The following GSN variants were observed in gnomAD, a reference collection of about 807,000 sequenced individuals.
The protein encoded by GSN is actin-depolymerizing factor.
A neutral mutation model predicts 85.7 loss-of-function variants in GSN; 56 were observed. That is an observed-to-expected ratio of 0.65 (90% CI 0.53 to 0.82). The LOEUF (loss-of-function observed/expected upper bound fraction) is 0.82. Among genes scored for constraint, GSN ranks in the 40% least tolerant of loss-of-function variants. GSN has a pLI of 0.00. For synonymous variants in GSN, 373 were observed against 399.1 expected, an observed-to-expected ratio of 0.93 and a Z score of 0.78; for missense variants, 857 against 979.8, an observed-to-expected ratio of 0.87 and a Z score of 1.67.
chr9:121,236,842 A>C (rs2054504664), intron 5 of GSN, among the ~76,000 whole-genome samples: 1 of 152,248 alleles, frequency 6.6e-6, no homozygotes, highest in African/African-American at 2.4e-5. Flanking sequence ...GAACCAAATC[A>C]GGGATTTTCC....
chr9:121,329,448 AC>A lies in GSN; in HGVS notation c.1965+134del. 1 of 700,028 alleles carries A rather than the reference AC, an allele frequency of 1.4e-6. No individual in the cohort carries two copies. The allele number at this position is 700,028 out of a possible 1,614,324, so 43.4% of individuals were successfully genotyped here. ...TGTTGCCAGAAAAGTCTCTAAGGGT[AC>A]TGGAAGTCACTTCTTCTTTCTGAGC... On this transcript the variant is annotated intron_variant, in intron 16 of 17. Coordinates refer to ENST00000432226, the MANE Select transcript of GSN (RefSeq NM_198252.3). The surrounding 1 kb of genome is among the most constrained non-coding windows in gnomAD (Gnocchi z 4.6).
At chr9:121,216,922 GTCT>G (rs1428870929) in intron 4 of GSN, among the ~76,000 whole-genome samples, 1 of 152,212 alleles carries the variant, frequency 6.6e-6, no homozygotes, top group East Asian at 1.9e-4. Context: ...GTGGATGACT[GTCT>G]TCTTCCTGTG....
In GSN at chr9:121,310,974, G is replaced by T. The variant is rs41273432; in HGVS notation, c.513+129G>T. The T allele has an allele frequency of 5.6e-4, 441 of 792,612 alleles. 1 individual carries two copies. The highest frequency in any genetic ancestry group is 8.1e-4 in the Non-Finnish European group (378 of 466,788). 49.1% of individuals were successfully genotyped at this position (792,612 alleles called of 1,614,324 possible). On this transcript the variant is annotated intron_variant, in intron 5 of 17. Coordinates refer to ENST00000432226, the MANE Select transcript of GSN (RefSeq NM_198252.3). ...AACCACAGGGACCAGCATTGTTCAC[G>T]TACAGATATGTCTGTATGCAAAGAC...
At chr9:121,276,806 G>T (rs569796145) in intron 1 of GSN, among the ~76,000 whole-genome samples, 6 of 151,974 alleles carry the variant, frequency 3.9e-5, no homozygotes, top group Non-Finnish European at 5.9e-5. Context: ...GTGGGAGGAG[G>T]GGGGAGGGAT....
intron 6 of GSN, among the ~76,000 whole-genome samples, chr9:121,249,427 T>C (rs2054770818): frequency 6.6e-6 from 1 of 152,118 alleles, no homozygotes; most frequent in African/African-American, 2.4e-5. Flanking sequence ...CAGTGAGCCA[T>C]GATCGTGCCA....
At chr9:121,281,714 T>C in intron 2 of GSN, 152 bp downstream of exon 2, 1 of 471,130 alleles carries the variant, frequency 2.1e-6, no homozygotes, top group Non-Finnish European at 4.4e-6. Context: ...AGGCTCAGAG[T>C]GCGTCTCTGC....
At chr9:121,292,631 G>A (rs550691308) in intron 2 of GSN, among the ~76,000 whole-genome samples, 2 of 152,276 alleles carry the variant, frequency 1.3e-5, no homozygotes, top group East Asian at 1.9e-4. Context: ...TTGAAGTGCC[G>A]CAGAAGGTGC....
intron 4 of GSN, among the ~76,000 whole-genome samples, chr9:121,219,603 A>G (rs2054130243): frequency 6.6e-6 from 1 of 152,302 alleles, no homozygotes; most frequent in East Asian, 1.9e-4. Flanking sequence ...TAGACCCAAC[A>G]TGGCGCTGGA....
At chr9:121,230,770 G>A (rs956708545) in intron 4 of GSN, among the ~76,000 whole-genome samples, 2 of 152,152 alleles carry the variant, frequency 1.3e-5, no homozygotes, top group African/African-American at 4.8e-5. Context: ...TTTACCATCA[G>A]TGCCGTTGCT....
chr9:121,240,307 A>T (rs2132192886), intron 5 of GSN, among the ~76,000 whole-genome samples: 1 of 152,208 alleles, frequency 6.6e-6, no homozygotes, highest in East Asian at 1.9e-4. Flanking sequence ...TGTTTTGTGT[A>T]GGGGTTGGGG....
intron 2 of GSN, among the ~76,000 whole-genome samples, chr9:121,290,952 C>CTTTACAAGTGTAG (rs1164010251): frequency 1.3e-5 from 2 of 152,094 alleles, no homozygotes; most frequent in South Asian, 4.2e-4. Context: ...GCTGGGATTA[C>CTTTACAAGTGTAG]AGGCACAAGC....
chr9:121,301,810 G>T, intron 2 of GSN, 153 bp from the exon 3 acceptor site: 1 of 1,182,872 alleles, frequency 8.5e-7, no homozygotes, highest in Non-Finnish European at 1.2e-6. Context: ...GTTGAGACAG[G>T]GTGCCCAGAA....
chr9:121,239,779 T>G (rs1201498786), intron 5 of GSN: 1 of 258,706 alleles, frequency 3.9e-6, no homozygotes, highest in Non-Finnish European at 7.8e-6. Context: ...TTGGAGAATA[T>G]CCCCAGTCCC....
chr9:121,220,162 C>T (rs1014442809), intron 4 of GSN, among the ~76,000 whole-genome samples: 4 of 152,232 alleles, frequency 2.6e-5, no homozygotes, highest in South Asian at 4.1e-4. Context: ...GGATTACAGG[C>T]GTGAGCCACT....
At chr9:121,230,167 T>C (rs2132149577) in intron 4 of GSN, among the ~76,000 whole-genome samples, 1 of 152,352 alleles carries the variant, frequency 6.6e-6, no homozygotes, top group Admixed American at 6.5e-5. Flanking sequence ...GTGGCTCCAA[T>C]AGCTTTGAAC....
At chr9:121,302,265 C>T in intron 3 of GSN, 98 bp downstream of exon 3, 1 of 1,356,756 alleles carries the variant, frequency 7.4e-7, no homozygotes. Flanking sequence ...TTATTGAGCA[C>T]CTAGTATGTG....
chr9:121,222,285 T>C (rs2054184792), intron 4 of GSN: 1 of 152,196 alleles, frequency 6.6e-6, no homozygotes, highest in African/African-American at 2.4e-5. Flanking sequence ...ATCTTTTTAA[T>C]GAAGATAGGA....
In GSN at chr9:121,317,093, A is replaced by G. The variant is rs756193920; in HGVS notation, c.761A>G (p.Asn254Ser). Residue 254 changes from asparagine (N) to serine (S), a missense_variant, in exon 8 of 18, where the codon AAT (asparagine) becomes AGT (serine). By Grantham distance (46) the Asn-to-Ser change is conservative. Transcript: ENST00000432226. Reference sequence around the variant, plus strand: ...TCTGCTTCGTCCCCTCAGGTCTCCAATGGTGCAGGGACCATGTCCGTCTCC... The same window carrying G: ...TCTGCTTCGTCCCCTCAGGTCTCCAGTGGTGCAGGGACCATGTCCGTCTCC... ...RKLAKLYKVS[N>S]GAGTMSVSLV... The G allele has an allele frequency of 5.6e-6, 9 of 1,614,156 alleles. No individual in the cohort carries two copies. The highest frequency in any genetic ancestry group is 2.7e-5 in the African/African-American group (2 of 75,060).
intron 4 of GSN, 142 bp from the exon 5 acceptor site, chr9:121,310,542 A>T: frequency 1.3e-6 from 1 of 753,746 alleles, no homozygotes; most frequent in Non-Finnish European, 2.4e-6. Context: ...GAAAGTCCTG[A>T]GTTAACTGAG....
Sources: gnomAD v4.1 joint callset for allele counts (sites outside exome capture counted in the v4.1 genomes callset) on GRCh38, gnomAD v4.1.1 for gene constraint, Gnocchi (gnomAD v3.1) non-coding constraint, MANE v1.5 for transcripts, NCBI Gene and HGNC (gene_info 2026-07-23, HGNC 2026-07-21) for gene names.